The following MAP3K20 variants were observed in gnomAD, a reference collection of about 807,000 sequenced individuals.
The protein encoded by MAP3K20 is mitogen-activated protein kinase kinase kinase 20.
Under a neutral mutation model 85.7 loss-of-function variants are expected in MAP3K20, and 40 were observed. The ratio of observed to expected loss-of-function variants is 0.47; its 90% CI spans 0.36 to 0.61. The LOEUF (loss-of-function observed/expected upper bound fraction) is 0.61. MAP3K20 is among the 20% of genes least tolerant of loss of function. MAP3K20 has a pLI of 0.00. For synonymous variants in MAP3K20, 325 were observed against 327.7 expected, an observed-to-expected ratio of 0.99 and a Z score of 0.09; for missense variants, 817 against 961.7, an observed-to-expected ratio of 0.85 and a Z score of 1.99.
intron 1 of MAP3K20, among the ~76,000 whole-genome samples, chr2:173,078,515 A>G (rs1450381018): frequency 6.6e-6 from 1 of 152,164 alleles, no homozygotes; most frequent in Non-Finnish European, 1.5e-5. Flanking sequence ...GTACCTGGTA[A>G]GGGAAGAGGA....
intron 11 of MAP3K20, chr2:173,225,930 C>A: frequency 1.0e-6 from 1 of 983,074 alleles, no homozygotes; most frequent in Non-Finnish European, 1.2e-6. Context: ...AGAAAAAAAA[C>A]TCATTGAGAT....
At chr2:173,140,597 G>A (rs747011416) in intron 2 of MAP3K20, among the ~76,000 whole-genome samples, 4 of 150,866 alleles carry the variant, frequency 2.7e-5, no homozygotes, top group Middle Eastern at 3.3e-3. Flanking sequence ...TGATCCACCC[G>A]CTTTGGCCTC....
At chr2:173,080,262 A>G (rs974997080) in intron 1 of MAP3K20, among the ~76,000 whole-genome samples, 4 of 152,192 alleles carry the variant, frequency 2.6e-5, no homozygotes, top group Non-Finnish European at 5.9e-5. Flanking sequence ...AGTGCCTGAA[A>G]TTTCAGCCAC....
At chr2:173,077,709 C>T (rs1364923847) in intron 1 of MAP3K20, among the ~76,000 whole-genome samples, 1 of 152,120 alleles carries the variant, frequency 6.6e-6, no homozygotes, top group Non-Finnish European at 1.5e-5. Context: ...CAAGGACTTT[C>T]TCCGTTGTCT....
intron 9 of MAP3K20, 122 bp from the exon 10 acceptor site, chr2:173,209,607 T>C (rs1683810898): frequency 1.4e-6 from 1 of 725,822 alleles, no homozygotes; most frequent in East Asian, 2.7e-5. Context: ...CAGGACATTG[T>C]ATCATGTTTT....
intron 11 of MAP3K20, among the ~76,000 whole-genome samples, chr2:173,217,490 T>G (rs1269458394): frequency 3.9e-5 from 6 of 152,254 alleles, no homozygotes; most frequent in East Asian, 1.9e-4. Flanking sequence ...CCTTAAGAAC[T>G]GTTATTCTGT....
At chr2:173,167,342 C>T (rs1689863089) in intron 2 of MAP3K20, among the ~76,000 whole-genome samples, 1 of 152,040 alleles carries the variant, frequency 6.6e-6, no homozygotes. Context: ...TAACCTCACA[C>T]TTGTTTTTAT....
intron 2 of MAP3K20, among the ~76,000 whole-genome samples, chr2:173,141,949 A>G (rs1258933916): frequency 1.3e-5 from 2 of 152,244 alleles, no homozygotes; most frequent in African/African-American, 4.8e-5. Flanking sequence ...GATAACTGCC[A>G]TTTTAGAGAT....
intron 7 of MAP3K20, among the ~76,000 whole-genome samples, chr2:173,193,368 TTA>T (rs1178310351): frequency 6.6e-6 from 1 of 151,934 alleles, no homozygotes; most frequent in Non-Finnish European, 1.5e-5. Context: ...TTGAATTTCC[TTA>T]TCTCAAAAAT....
At chr2:173,115,071 T>TG (rs201241353) in intron 2 of MAP3K20, among the ~76,000 whole-genome samples, 4,886 of 152,280 alleles carry the variant, frequency 0.032, 278 homozygotes, top group African/African-American at 0.11. Flanking sequence ...TTCAGCATAA[T>TG]CCCAGACTTC....
At chr2:173,251,942 G>C (rs16861433) in intron 16 of MAP3K20, among the ~76,000 whole-genome samples, 40,456 of 152,046 alleles carry the variant, frequency 0.27, 6,713 homozygotes, top group East Asian at 0.6. Flanking sequence ...ATGGTTTTAT[G>C]TATAATGTTG....
At chr2:173,146,209 CAA>C (rs951051874) in intron 2 of MAP3K20, among the ~76,000 whole-genome samples, 1 of 150,382 alleles carries the variant, frequency 6.6e-6, no homozygotes, top group African/African-American at 2.4e-5. Flanking sequence ...TTAGAAGAAA[CAA>C]AAAAGTTTCA....
intron 2 of MAP3K20, among the ~76,000 whole-genome samples, chr2:173,092,610 C>T (rs1687332182): frequency 6.6e-6 from 1 of 152,156 alleles, no homozygotes; most frequent in Admixed American, 6.5e-5. Flanking sequence ...GAAAACTAAA[C>T]CTGCTCCATC....
chr2:173,151,340 AGATTT>A (rs1181050616), intron 2 of MAP3K20, among the ~76,000 whole-genome samples: 2 of 152,204 alleles, frequency 1.3e-5, no homozygotes, highest in African/African-American at 2.4e-5. Flanking sequence ...CAGTTAAATT[AGATTT>A]AAGTCAGAAT....
chr2:173,116,467 T>C (rs988344034), intron 2 of MAP3K20, among the ~76,000 whole-genome samples: 11 of 152,268 alleles, frequency 7.2e-5, no homozygotes, highest in African/African-American at 2.7e-4. Flanking sequence ...AAAATGAGTA[T>C]GTTATCTTTG....
chr2:173,119,368 T>C (rs991595972), intron 2 of MAP3K20, among the ~76,000 whole-genome samples: 8 of 152,192 alleles, frequency 5.3e-5, no homozygotes, highest in Non-Finnish European at 1.0e-4. Flanking sequence ...AAGAGTCTTC[T>C]GGCTGGTGGC....
intron 2 of MAP3K20, among the ~76,000 whole-genome samples, chr2:173,144,191 T>C (rs374319516): frequency 5.3e-5 from 8 of 150,756 alleles, no homozygotes; most frequent in Non-Finnish European, 1.2e-4. Context: ...AGGCCGGGTG[T>C]GGTGGCTCAC....
chr2:173,199,436 G>A (rs1343046133), intron 8 of MAP3K20, among the ~76,000 whole-genome samples: 1 of 152,178 alleles, frequency 6.6e-6, no homozygotes, highest in African/African-American at 2.4e-5. Flanking sequence ...AATTCCTCAT[G>A]TGCTATTAAA....
chr2:173,149,843 T>G (rs1419281709), intron 2 of MAP3K20, among the ~76,000 whole-genome samples: 1 of 152,262 alleles, frequency 6.6e-6, no homozygotes, highest in African/African-American at 2.4e-5. Flanking sequence ...AAAAATATGT[T>G]TCCTGTTGAC....
Sources: gnomAD v4.1 joint callset for allele counts (sites outside exome capture counted in the v4.1 genomes callset) on GRCh38, gnomAD v4.1.1 for gene constraint, MANE v1.5 for transcripts, NCBI Gene and HGNC (gene_info 2026-07-23, HGNC 2026-07-21) for gene names.